Variants in SPTBN1 observed in about 807,000 individuals in gnomAD.
The protein encoded by SPTBN1 is spectrin beta, non-erythrocytic 1.
In SPTBN1, 32 loss-of-function variants were observed where a neutral mutation model predicts 266.4. The ratio of observed to expected loss-of-function variants is 0.12; its 90% confidence interval spans 0.09 to 0.16. The LOEUF is 0.16. SPTBN1 is among the 10% of genes least tolerant of loss of function. The probability of loss-of-function intolerance (pLI) is 1.00; values close to 1 mark genes in which losing one functional copy is unlikely to be tolerated. For synonymous variants in SPTBN1, 1,336 were observed against 1,162.2 expected, an observed-to-expected ratio of 1.15 and a Z score of -3.04; for missense variants, 2,296 against 3,067.1, an observed-to-expected ratio of 0.75 and a Z score of 5.94.
At chr2:54,542,176 A>G (rs1345897017) in intron 2 of SPTBN1, among the ~76,000 whole-genome samples, 1 of 152,252 alleles carries the variant, frequency 6.6e-6, no homozygotes, top group Non-Finnish European at 1.5e-5. Flanking sequence ...CAGTTAGGTG[A>G]TTAAGTGAAA....
chr2:54,577,777 T>A (rs1239790665), intron 2 of SPTBN1, among the ~76,000 whole-genome samples: 2 of 152,246 alleles, frequency 1.3e-5, no homozygotes, highest in Non-Finnish European at 2.9e-5. Flanking sequence ...TTTAACCATC[T>A]TGCTGTGCTG....
At chr2:54,496,143 A>AT (rs1256412060) in intron 1 of SPTBN1, among the ~76,000 whole-genome samples, 1 of 152,198 alleles carries the variant, frequency 6.6e-6, no homozygotes, top group African/African-American at 2.4e-5. Flanking sequence ...ATGTTAAAAA[A>AT]AAGTATAAAT....
intron 2 of SPTBN1, among the ~76,000 whole-genome samples, chr2:54,586,135 G>A (rs77456006): frequency 0.029 from 4,392 of 152,276 alleles, 88 homozygotes; most frequent in Middle Eastern, 0.065. Context: ...TGAAATCCAA[G>A]TGTGGTTTGG....
rs746024075 is a variant in SPTBN1, at chr2:54,628,978, A to T, written c.1844A>T (p.His615Leu). The T allele has an allele frequency of 1.2e-6, 2 of 1,613,520 alleles. No individual in the cohort carries two copies. Among genetic ancestry groups the T allele is most frequent in the Non-Finnish European group, 1.7e-6 (2 of 1,179,818 alleles). ...CAGGTGATCCGAGACCGCGTGGCCC[A>T]CATGGAGTTCTGTTATCAAGAGCTT... ...DPQVIRDRVA[H>L]MEFCYQELCQ... The change falls in exon 14 of 36, where the codon CAC (histidine) becomes CTC (leucine). Residue 615 changes from histidine (H) to leucine (L), a missense_variant. Transcript: ENST00000356805. This position sits in a 1 kb window ranked among gnomAD's most constrained non-coding sequence, Gnocchi z 4.3.
intron 2 of SPTBN1, among the ~76,000 whole-genome samples, chr2:54,534,609 T>C (rs145513373): frequency 6.6e-6 from 1 of 152,354 alleles, no homozygotes; most frequent in African/African-American, 2.4e-5. Context: ...TTTACTTTTT[T>C]AGGTGTAGTT....
chr2:54,467,535 G>A (rs1012470627), intron 1 of SPTBN1, among the ~76,000 whole-genome samples: 8 of 151,942 alleles, frequency 5.3e-5, no homozygotes, highest in Admixed American at 4.6e-4. Flanking sequence ...GCTGGCGCCT[G>A]CCACCATGCC....
chr2:54,506,780 G>GA (rs1389494853), intron 1 of SPTBN1, among the ~76,000 whole-genome samples: 1 of 151,662 alleles, frequency 6.6e-6, no homozygotes, highest in African/African-American at 2.4e-5. Context: ...TGCGTGCTAT[G>GA]AAAAAACAAC....
chr2:54,460,426 A>C (rs1032198168), intron 1 of SPTBN1, among the ~76,000 whole-genome samples: 4 of 152,154 alleles, frequency 2.6e-5, no homozygotes, highest in Non-Finnish European at 4.4e-5. Flanking sequence ...TATTTAGATT[A>C]ATCAGTGTTT....
chr2:54,571,346 C>A (rs1043964996), intron 2 of SPTBN1, among the ~76,000 whole-genome samples: 1 of 152,026 alleles, frequency 6.6e-6, no homozygotes, highest in African/African-American at 2.4e-5. Context: ...GAATAAATAG[C>A]CCTTGGGGTG....
chr2:54,532,056 G>A (rs1337598912), intron 2 of SPTBN1, among the ~76,000 whole-genome samples: 1 of 152,134 alleles, frequency 6.6e-6, no homozygotes, highest in Non-Finnish European at 1.5e-5. Flanking sequence ...TTGGGAGGCC[G>A]AGGCTGGTGG....
intron 1 of SPTBN1, among the ~76,000 whole-genome samples, chr2:54,499,482 T>G (rs190297391): frequency 1.2e-4 from 19 of 152,330 alleles, no homozygotes; most frequent in African/African-American, 4.6e-4. Context: ...TGACTGGTTG[T>G]TTGCGTGTTG....
chr2:54,539,937 G>T (rs1046544904), intron 2 of SPTBN1, among the ~76,000 whole-genome samples: 1 of 152,214 alleles, frequency 6.6e-6, no homozygotes, highest in Admixed American at 6.5e-5. Flanking sequence ...GAGGGTGTTA[G>T]GAGGTGAGGT....
In SPTBN1 at chr2:54,631,111, C is replaced by A. The variant is rs774031282; in HGVS notation, c.3064C>A (p.Leu1022Met). ...TGACCTGCAGAAGGAGGCGGAGAAGCTGGAGTCCGAGCACCCCGACCAGGC... is the reference window on the plus strand; with the variant it reads ...TGACCTGCAGAAGGAGGCGGAGAAGATGGAGTCCGAGCACCCCGACCAGGC... ...LSDLQKEAEK[L>M]ESEHPDQAQA... Residue 1022 changes from leucine to methionine, a missense_variant, in exon 16 of 36, where the codon CTG becomes ATG. Coordinates refer to ENST00000356805, the MANE Select transcript of SPTBN1 (RefSeq NM_003128.3). The A allele has an allele frequency of 6.2e-7, 1 of 1,614,176 alleles. No individual in the cohort carries two copies. Among genetic ancestry groups the A allele is most frequent in the Non-Finnish European group, 8.5e-7 (1 of 1,180,036 alleles).
intron 1 of SPTBN1, among the ~76,000 whole-genome samples, chr2:54,520,668 C>G (rs1055150809): frequency 8.8e-6 from 1 of 113,364 alleles, no homozygotes. Context: ...CCACCCCACC[C>G]CCCACCCCAC....
chr2:54,661,667 A>C, intron 32 of SPTBN1: 2 of 985,790 alleles, frequency 2.0e-6, no homozygotes, highest in Non-Finnish European at 2.4e-6. Flanking sequence ...AGGGAGCTCT[A>C]ATGTGTGTTT....
intron 3 of SPTBN1, among the ~76,000 whole-genome samples, chr2:54,605,222 C>T (rs1321676776): frequency 6.6e-6 from 1 of 152,142 alleles, no homozygotes; most frequent in Non-Finnish European, 1.5e-5. Flanking sequence ...ATAAAAATAG[C>T]TCTTTAAAAA....
intron 3 of SPTBN1, among the ~76,000 whole-genome samples, chr2:54,600,147 T>C (rs1676394950): frequency 6.6e-6 from 1 of 152,212 alleles, no homozygotes; most frequent in Non-Finnish European, 1.5e-5. Flanking sequence ...CCAGCCGCAG[T>C]AGGCCTGTGT....
intron 2 of SPTBN1, among the ~76,000 whole-genome samples, chr2:54,596,083 A>T (rs1209443291): frequency 3.3e-5 from 5 of 152,122 alleles, no homozygotes; most frequent in African/African-American, 1.2e-4. Context: ...AAGTCGGCTC[A>T]CTGCCCTCTG....
At chr2:54,578,583 T>TA (rs1352095273) in intron 2 of SPTBN1, among the ~76,000 whole-genome samples, 2 of 152,232 alleles carry the variant, frequency 1.3e-5, no homozygotes, top group African/African-American at 4.8e-5. Context: ...AGTTCATCCT[T>TA]ACGTGTTCAG....
Sources: allele counts gnomAD v4.1 joint callset (sites outside exome capture counted in the v4.1 genomes callset), GRCh38; gene constraint gnomAD v4.1.1; non-coding constraint Gnocchi (gnomAD v3.1); transcripts MANE v1.5; gene names NCBI Gene and HGNC (gene_info 2026-07-23, HGNC 2026-07-21).